The following HDLBP variants were observed in gnomAD, a reference collection of about 807,000 sequenced individuals.
HDLBP encodes high density lipoprotein binding protein, also known as vigilin.
Under a neutral mutation model 137.3 loss-of-function variants are expected in HDLBP, and 30 were observed. The ratio of observed to expected loss-of-function variants is 0.22; its 90% CI spans 0.16 to 0.30. The LOEUF is 0.30. Ranked by LOEUF, HDLBP falls within the 10% of genes least tolerant of loss-of-function variation. The pLI, the probability that HDLBP is intolerant of heterozygous loss-of-function variation, is 1.00. For missense variants in HDLBP, 1,119 were observed against 1,667.3 expected (o/e 0.67, Z 5.73); for synonymous variants, 606 against 596.0 (o/e 1.02, Z -0.24).
rs564207084 is a variant in HDLBP at position 241,258,601 on chromosome 2, A to G, written c.451-1795T>C. On this transcript the variant is annotated intron_variant, in intron 5 of 27. Coordinates refer to ENST00000310931, the MANE Select transcript of HDLBP (RefSeq NM_005336.6). ...GAAACTCAATCAGTGCCTCAACCCT[A>G]TTTGCAATAAATTCCAAATAGATCA... Among the ~76,000 whole-genome samples, 5 of 152,300 alleles carry G rather than the reference A, an allele frequency of 3.3e-5. No homozygotes were observed. The East Asian group carries it at 9.7e-4, about 29-fold the overall frequency.
At chr2:241,307,576 A>G (rs1019394342) in intron 1 of HDLBP, among the ~76,000 whole-genome samples, 2 of 152,260 alleles carry the variant, frequency 1.3e-5, no homozygotes, top group Non-Finnish European at 2.9e-5. Context: ...TAACTCAACA[A>G]AACAATGTAA....
chr2:241,294,590 C>T (rs184992555), intron 1 of HDLBP, among the ~76,000 whole-genome samples: 12 of 152,190 alleles, frequency 7.9e-5, no homozygotes, highest in Admixed American at 2.0e-4. Flanking sequence ...ACTCCTAAGG[C>T]GCTGCGACTA....
intron 5 of HDLBP, among the ~76,000 whole-genome samples, chr2:241,259,000 G>T (rs2072938862): frequency 6.6e-6 from 1 of 152,080 alleles, no homozygotes; most frequent in Admixed American, 6.6e-5. Flanking sequence ...GGGTAAAACA[G>T]GAAATAGCAT....
chr2:241,275,502 G>C lies in HDLBP; in HGVS notation c.-102-6961C>G, dbSNP rs959403566. ...AAAAAGAGAAAAGAAAAAATCCAAA[G>C]AACAGAGAAGAAACATTTTTTAAAA... On this transcript the variant is annotated intron_variant, in intron 1 of 27. Transcript: ENST00000310931. Among the ~76,000 whole-genome samples, 19 of 152,214 alleles carry C rather than the reference G, an allele frequency of 1.2e-4. No individual in the cohort carries two copies. The South Asian group carries it at 3.7e-3, about 30-fold the overall frequency.
chr2:241,252,868 CTGCA>C, intron 11 of HDLBP, 85 bp downstream of exon 11: 2 of 848,546 alleles, frequency 2.4e-6, no homozygotes, highest in Non-Finnish European at 4.0e-6. Flanking sequence ...CCTGGACTGT[CTGCA>C]CGGACGTCAC....
At chr2:241,283,710 G>A (rs892304841) in intron 1 of HDLBP, among the ~76,000 whole-genome samples, 1 of 151,980 alleles carries the variant, frequency 6.6e-6, no homozygotes, top group Admixed American at 6.6e-5. Flanking sequence ...TCCTGACCTC[G>A]TGATCCGCCC....
At chr2:241,259,018 C>T (rs903546731) in intron 5 of HDLBP, among the ~76,000 whole-genome samples, 11 of 152,146 alleles carry the variant, frequency 7.2e-5, no homozygotes, top group African/African-American at 1.4e-4. Flanking sequence ...CATATGCACA[C>T]GATTGCTACT....
intron 1 of HDLBP, among the ~76,000 whole-genome samples, chr2:241,277,088 A>T (rs559440767): frequency 6.6e-6 from 1 of 152,122 alleles, no homozygotes; most frequent in Admixed American, 6.5e-5. Context: ...TAAAGACTAT[A>T]TAAGTTTTAA....
At chr2:241,249,742 C>G in intron 12 of HDLBP, 99 bp downstream of exon 12, 1 of 1,229,416 alleles carries the variant, frequency 8.1e-7, no homozygotes. Flanking sequence ...TTGTCGACTT[C>G]CATTCTCTAA....
chr2:241,238,669 G>A lies in HDLBP; in HGVS notation c.2729C>T (p.Pro910Leu). ...TRDFSVQIKF[P>L]DREENAVHST... ...CCCACCTGCGTTCTCCTCTCTGTCTGGGAATTTAATTTGAACACTGAAATC... is the reference window on the plus strand; with the variant it reads ...CCCACCTGCGTTCTCCTCTCTGTCTAGGAATTTAATTTGAACACTGAAATC... The change falls in exon 20 of 28, where the codon CCA becomes CTA. Residue 910 changes from proline to leucine, a missense_variant. By Grantham distance (98) the Pro-to-Leu change is moderately conservative. Coordinates refer to ENST00000310931, the MANE Select transcript of HDLBP (RefSeq NM_005336.6). The surrounding 1 kb of genome is among the most constrained non-coding windows in gnomAD (Gnocchi z 4.9). The A allele has an allele frequency of 6.3e-7, 1 of 1,579,414 alleles. No homozygotes were observed. Among genetic ancestry groups the A allele is most frequent in the Non-Finnish European group, 8.7e-7 (1 of 1,156,014 alleles).
chr2:241,249,283 G>T (rs2071925806), intron 12 of HDLBP: 1 of 470,228 alleles, frequency 2.1e-6, no homozygotes, highest in Non-Finnish European at 4.4e-6. Flanking sequence ...GCTGCTGCAG[G>T]CACTCACGCA....
intron 1 of HDLBP, among the ~76,000 whole-genome samples, chr2:241,274,957 C>G (rs1199639630): frequency 6.6e-6 from 1 of 151,972 alleles, no homozygotes; most frequent in Non-Finnish European, 1.5e-5. Flanking sequence ...TCATGATCCC[C>G]AAAAGGGCTA....
At chr2:241,232,922 C>G (rs529407103) in intron 24 of HDLBP, among the ~76,000 whole-genome samples, 2 of 152,066 alleles carry the variant, frequency 1.3e-5, no homozygotes, top group South Asian at 4.2e-4. Flanking sequence ...GGAGGGCCCT[C>G]CTGGCCTGGC....
intron 15 of HDLBP, 77 bp downstream of exon 15, chr2:241,246,979 C>G: frequency 1.3e-6 from 2 of 1,576,464 alleles, no homozygotes; most frequent in Non-Finnish European, 1.7e-6. Flanking sequence ...AGAGTCCCTC[C>G]TAGTCTAAAA....
In HDLBP at chr2:241,240,896, A is replaced by T. The variant is rs2071148333; in HGVS notation, c.2170-774T>A. 6.6e-6 allele frequency among the ~76,000 whole-genome samples: 1 copy of T among 152,182 alleles called. No individual in the cohort carries two copies. Among genetic ancestry groups the T allele is most frequent in the South Asian group, 2.1e-4 (1 of 4,826 alleles). ...GGAGCTCTTGCCTTTCTCCGGACCC[A>T]AGATCTGGCCCGCAAGCAAAAATAC... On this transcript the variant is annotated intron_variant, in intron 17 of 27. Coordinates refer to ENST00000310931, the MANE Select transcript of HDLBP (RefSeq NM_005336.6). The surrounding 1 kb of genome is among the most constrained non-coding windows in gnomAD (Gnocchi z 5.5).
intron 22 of HDLBP, 69 bp from the exon 23 acceptor site, chr2:241,235,324 G>C (rs1470047137): frequency 4.4e-6 from 7 of 1,604,050 alleles, no homozygotes; most frequent in Non-Finnish European, 6.0e-6. Context: ...TTGGCCCTGG[G>C]ACCCAGAAGT....
intron 1 of HDLBP, among the ~76,000 whole-genome samples, chr2:241,295,823 T>C (rs556018527): frequency 6.6e-6 from 1 of 152,238 alleles, no homozygotes; most frequent in Admixed American, 6.5e-5. Context: ...ACCATGCAGC[T>C]GCAAGCCAAG....
chr2:241,240,341 A>C lies in HDLBP; in HGVS notation c.2170-219T>G, dbSNP rs1226657171. Among the ~76,000 whole-genome samples the C allele has an allele frequency of 6.6e-6, 1 of 152,186 alleles. No individual in the cohort carries two copies. Among genetic ancestry groups the C allele is most frequent in the Non-Finnish European group, 1.5e-5 (1 of 68,028 alleles). On this transcript the variant is annotated intron_variant, in intron 17 of 27. Transcript: ENST00000310931. This position sits in a 1 kb window ranked among gnomAD's most constrained non-coding sequence, Gnocchi z 5.5. Reference sequence around the variant, plus strand: ...CCTACTTCTCTTCCACAACAACCAGATGCTGGTGGGATGAACACACAGGCT... The same window carrying C: ...CCTACTTCTCTTCCACAACAACCAGCTGCTGGTGGGATGAACACACAGGCT...
intron 15 of HDLBP, 48 bp from the exon 16 acceptor site, chr2:241,246,931 A>G (rs757896549): frequency 6.8e-6 from 11 of 1,609,750 alleles, no homozygotes; most frequent in Admixed American, 3.3e-5. Context: ...GCTCTCCCAG[A>G]GTTGAGACAC....
Sources: allele counts gnomAD v4.1 joint callset (sites outside exome capture counted in the v4.1 genomes callset), GRCh38; gene constraint gnomAD v4.1.1; non-coding constraint Gnocchi (gnomAD v3.1); transcripts MANE v1.5; gene names NCBI Gene and HGNC (gene_info 2026-07-23, HGNC 2026-07-21).